The following NCALD variants were observed in gnomAD, a reference collection of about 807,000 sequenced individuals.
NCALD encodes the protein neurocalcin-delta.
In NCALD, 10 loss-of-function variants were observed where a neutral mutation model predicts 18.6. The ratio of observed to expected loss-of-function variants is 0.54; its 90% CI spans 0.33 to 0.91. The LOEUF (loss-of-function observed/expected upper bound fraction) is 0.91. Ranked by LOEUF, NCALD falls within the 40% of genes least tolerant of loss-of-function variation. The pLI is 0.03. For synonymous variants in NCALD, 88 were observed against 87.4 expected (o/e 1.01, Z -0.04); for missense variants, 184 against 247.6 (o/e 0.74, Z 1.72).
At chr8:101,939,843 A>G (rs993044501) in intron 2 of NCALD, among the ~76,000 whole-genome samples, 1 of 152,202 alleles carries the variant, frequency 6.6e-6, no homozygotes, top group Non-Finnish European at 1.5e-5. Context: ...CCATGAGGCC[A>G]CTACTATTAA....
In NCALD at chr8:101,688,522, T is replaced by A. The variant is rs1563649742; in HGVS notation, c.*787A>T. On this transcript the variant is annotated 3_prime_UTR_variant, in exon 4 of 4. Coordinates refer to ENST00000220931, the MANE Select transcript of NCALD (RefSeq NM_032041.3). Reference sequence around the variant, plus strand: ...GTGCTCACTAAACATGCATTTCATTTAAACAAGGCAAAACACTTAATTTGG... The same window carrying A: ...GTGCTCACTAAACATGCATTTCATTAAAACAAGGCAAAACACTTAATTTGG... 3 of 361,448 alleles carry A rather than the reference T, an allele frequency of 8.3e-6. No homozygotes were observed. Among genetic ancestry groups the A allele is most frequent in the East Asian group, 1.5e-4 (2 of 13,688 alleles). 22.4% of individuals were successfully genotyped at this position (361,448 alleles called of 1,614,324 possible).
intron 1 of NCALD, among the ~76,000 whole-genome samples, chr8:102,036,143 A>T (rs1269703): frequency 0.36 from 52,539 of 147,748 alleles, 10,419 homozygotes; most frequent in South Asian, 0.47. Flanking sequence ...ATAAATAAAT[A>T]AATTAATTAA....
intron 2 of NCALD, among the ~76,000 whole-genome samples, chr8:101,985,887 C>T (rs1820788876): frequency 6.6e-6 from 1 of 152,172 alleles, no homozygotes; most frequent in East Asian, 1.9e-4. Context: ...CTTAGGGACT[C>T]TTTCCTCTCA....
At chr8:101,812,909 A>C (rs1563793513) in intron 4 of NCALD, among the ~76,000 whole-genome samples, 1 of 152,196 alleles carries the variant, frequency 6.6e-6, no homozygotes, top group Non-Finnish European at 1.5e-5. Flanking sequence ...ACATACAAAC[A>C]CAATCAGCAC....
At chr8:101,824,890 C>T (rs1470219102) in intron 4 of NCALD, among the ~76,000 whole-genome samples, 1 of 152,204 alleles carries the variant, frequency 6.6e-6, no homozygotes, top group East Asian at 1.9e-4. Context: ...ACCAACCACA[C>T]ACCATACTGA....
intron 1 of NCALD, among the ~76,000 whole-genome samples, chr8:101,755,841 A>G (rs1810855608): frequency 6.6e-6 from 1 of 152,196 alleles, no homozygotes; most frequent in South Asian, 2.1e-4. Context: ...ATGCATTGTG[A>G]ATGTGGGGAC....
At chr8:102,069,197 CAA>C (rs71268543) in intron 1 of NCALD, among the ~76,000 whole-genome samples, 12 of 149,454 alleles carry the variant, frequency 8.0e-5, no homozygotes, top group Admixed American at 2.0e-4. Context: ...GTTCTCACCA[CAA>C]AAAAAAAAAT....
At chr8:101,837,848 AG>A (rs1183335319) in intron 4 of NCALD, among the ~76,000 whole-genome samples, 4 of 152,186 alleles carry the variant, frequency 2.6e-5, no homozygotes, top group Non-Finnish European at 5.9e-5. Context: ...GTGATGGTAA[AG>A]GTGGCCTATG....
At chr8:101,946,673 G>A (rs764509021) in intron 2 of NCALD, among the ~76,000 whole-genome samples, 27 of 151,844 alleles carry the variant, frequency 1.8e-4, no homozygotes, top group Non-Finnish European at 2.4e-4. Context: ...TGATGAAATC[G>A]TTCACACTTT....
At chr8:101,975,179 T>C (rs1469003008) in intron 2 of NCALD, 1 of 152,190 alleles carries the variant, frequency 6.6e-6, no homozygotes, top group African/African-American at 2.4e-5. Flanking sequence ...CCAATCTCCT[T>C]ATTTTACAGG....
chr8:102,058,503 A>G (rs924313873), intron 1 of NCALD, among the ~76,000 whole-genome samples: 1 of 152,232 alleles, frequency 6.6e-6, no homozygotes, highest in East Asian at 1.9e-4. Context: ...ATAGTCAATC[A>G]ACAGAATTAA....
intron 4 of NCALD, among the ~76,000 whole-genome samples, chr8:101,862,174 A>G (rs1815570485): frequency 6.6e-6 from 1 of 152,248 alleles, no homozygotes; most frequent in Non-Finnish European, 1.5e-5. Flanking sequence ...AATCCAAAAC[A>G]AAGGATTGAC....
At chr8:101,939,438 A>G (rs1013205484) in intron 2 of NCALD, among the ~76,000 whole-genome samples, 5 of 152,238 alleles carry the variant, frequency 3.3e-5, no homozygotes, top group African/African-American at 1.2e-4. Context: ...ATTACTAAGT[A>G]GGTTGTCTCC....
At position 102,050,621 on chromosome 8, in the gene NCALD, A is replaced by G. The variant is rs1041461649; in HGVS notation, c.-209-30332T>C. On this transcript the variant is annotated intron_variant, in intron 1 of 6. Transcript: ENST00000311028. ...AAAATTATACTATATTTATATTTTT[A>G]ATATAGTATATACTTTATATAGCAT... 2.0e-5 allele frequency among the ~76,000 whole-genome samples: 3 copies of G among 148,966 alleles called. No individual in the cohort carries two copies. The East Asian group carries it at 5.8e-4, about 29-fold the overall frequency.
At chr8:102,014,010 C>A (rs904368697) in intron 2 of NCALD, among the ~76,000 whole-genome samples, 4 of 152,146 alleles carry the variant, frequency 2.6e-5, no homozygotes, top group African/African-American at 9.7e-5. Flanking sequence ...CTTGCTATGA[C>A]CCTGTGGGCC....
chr8:101,720,417 G>A (rs1816297263), intron 1 of NCALD, among the ~76,000 whole-genome samples: 1 of 152,118 alleles, frequency 6.6e-6, no homozygotes, highest in Non-Finnish European at 1.5e-5. Flanking sequence ...CATAGTAAAA[G>A]AGTGATACAT....
intron 2 of NCALD, among the ~76,000 whole-genome samples, chr8:101,921,666 A>G (rs1318453984): frequency 6.6e-6 from 1 of 152,204 alleles, no homozygotes; most frequent in Admixed American, 6.5e-5. Flanking sequence ...CATGCAAGCT[A>G]TTGAACCTTG....
intron 2 of NCALD, among the ~76,000 whole-genome samples, chr8:101,710,667 G>A (rs143243312): frequency 0.016 from 2,470 of 152,370 alleles, 33 homozygotes; most frequent in Middle Eastern, 0.048. Context: ...GGACTGGGCA[G>A]AGCCCACCGC....
At position 101,730,046 on chromosome 8, in the gene NCALD, C is replaced by T. The variant is rs941866434; in HGVS notation, c.-19-10398G>A. Among the ~76,000 whole-genome samples, 10 of 152,052 alleles carry T rather than the reference C, an allele frequency of 6.6e-5. No individual in the cohort carries two copies. In the East Asian group the frequency reaches 9.6e-4, roughly 15 times the overall value. ...GAAAGTGAATATCTTCATTCCGATCCGATAGCACTCCATAAAAAGACACTA... is the reference window on the plus strand; with the variant it reads ...GAAAGTGAATATCTTCATTCCGATCTGATAGCACTCCATAAAAAGACACTA... On this transcript the variant is annotated intron_variant, in intron 1 of 3. Transcript: ENST00000220931.
Sources: allele counts gnomAD v4.1 joint callset (sites outside exome capture counted in the v4.1 genomes callset), GRCh38; gene constraint gnomAD v4.1.1; transcripts MANE v1.5; gene names NCBI Gene and HGNC (gene_info 2026-07-23, HGNC 2026-07-21).